CACNA2D3: variants seen among roughly 807,000 people sequenced by gnomAD.
CACNA2D3 encodes calcium voltage-gated channel auxiliary subunit alpha2delta 3.
In CACNA2D3, 60 loss-of-function variants were observed where a neutral mutation model predicts 160.6. The observed-to-expected ratio is 0.37, with a 90% CI of 0.30 to 0.46. The LOEUF is 0.46. Ranked by LOEUF, CACNA2D3 falls within the 20% of genes least tolerant of loss-of-function variation. The probability of loss-of-function intolerance (pLI) is 1.00; values close to 1 mark genes in which losing one functional copy is unlikely to be tolerated. For missense variants in CACNA2D3, 1,205 were observed against 1,365.0 expected, an observed-to-expected ratio of 0.88 and a Z score of 1.85; for synonymous variants, 558 against 492.9, an observed-to-expected ratio of 1.13 and a Z score of -1.75.
intron 2 of CACNA2D3, among the ~76,000 whole-genome samples, chr3:54,231,948 C>T (rs530353784): frequency 1.2e-4 from 18 of 152,298 alleles, no homozygotes; most frequent in African/African-American, 2.4e-4. Context: ...GCGCAGCTGC[C>T]GTTGCTTGTT....
At chr3:54,245,971 G>A (rs1345325967) in intron 2 of CACNA2D3, among the ~76,000 whole-genome samples, 6 of 152,204 alleles carry the variant, frequency 3.9e-5, no homozygotes, top group East Asian at 3.8e-4. Flanking sequence ...GATTACAGGC[G>A]TGAGCGCCTG....
At chr3:54,262,130 A>G (rs1277077080) in intron 2 of CACNA2D3, among the ~76,000 whole-genome samples, 2 of 152,190 alleles carry the variant, frequency 1.3e-5, no homozygotes, top group East Asian at 1.9e-4. Context: ...GACAGGCTGT[A>G]TAATTGCTGG....
intron 9 of CACNA2D3, among the ~76,000 whole-genome samples, chr3:54,601,967 T>A (rs1370590485): frequency 6.6e-6 from 1 of 152,052 alleles, no homozygotes; most frequent in Non-Finnish European, 1.5e-5. Context: ...GTTTTCTTAT[T>A]TGAGCCTTTG....
At chr3:54,718,694 T>G (rs1327452068) in intron 11 of CACNA2D3, among the ~76,000 whole-genome samples, 1 of 152,088 alleles carries the variant, frequency 6.6e-6, no homozygotes, top group African/African-American at 2.4e-5. Flanking sequence ...TAGAGTCAAT[T>G]TATTGATTTC....
chr3:54,520,680 A>C (rs751459759), intron 5 of CACNA2D3, among the ~76,000 whole-genome samples: 9 of 152,222 alleles, frequency 5.9e-5, no homozygotes, highest in Non-Finnish European at 1.2e-4. Context: ...GTATTCACAG[A>C]TATTTGCAGC....
At chr3:54,807,281 G>A (rs1703156097) in intron 13 of CACNA2D3, among the ~76,000 whole-genome samples, 1 of 152,080 alleles carries the variant, frequency 6.6e-6, no homozygotes, top group Non-Finnish European at 1.5e-5. Flanking sequence ...TACAAAATGG[G>A]AGAAAATTTT....
chr3:54,869,699 G>A (rs1699480793), intron 17 of CACNA2D3, among the ~76,000 whole-genome samples: 1 of 152,120 alleles, frequency 6.6e-6, no homozygotes, highest in South Asian at 2.1e-4. Context: ...AAGTCCTCAG[G>A]GGGACACTAC....
chr3:54,485,075 G>A (rs888654914), intron 4 of CACNA2D3, among the ~76,000 whole-genome samples: 1 of 152,102 alleles, frequency 6.6e-6, no homozygotes, highest in Non-Finnish European at 1.5e-5. Flanking sequence ...TCGATCTCCT[G>A]ACCTCGTGAT....
chr3:54,184,108 T>C (rs1259897620), intron 2 of CACNA2D3, among the ~76,000 whole-genome samples: 1 of 152,120 alleles, frequency 6.6e-6, no homozygotes, highest in Non-Finnish European at 1.5e-5. Context: ...CAAGCACATG[T>C]TGTTTTCTAT....
intron 5 of CACNA2D3, among the ~76,000 whole-genome samples, chr3:54,559,293 A>ATTTTAT (rs1199214928): frequency 1.8e-4 from 28 of 151,476 alleles, no homozygotes; most frequent in African/African-American, 6.3e-4. Context: ...TCCAACTTTT[A>ATTTTAT]TTTTATTTTT....
intron 2 of CACNA2D3, among the ~76,000 whole-genome samples, chr3:54,252,879 C>CG (rs2107426968): frequency 8.0e-6 from 1 of 125,458 alleles, no homozygotes; most frequent in African/African-American, 3.0e-5. Flanking sequence ...TTAAGCCCCC[C>CG]GGGAAACACA....
intron 27 of CACNA2D3, among the ~76,000 whole-genome samples, chr3:54,966,072 C>A (rs1476505621): frequency 6.6e-6 from 1 of 152,030 alleles, no homozygotes; most frequent in East Asian, 1.9e-4. Flanking sequence ...GGATAAACAC[C>A]CAGCGGGGAG....
intron 11 of CACNA2D3, among the ~76,000 whole-genome samples, chr3:54,689,166 A>G (rs1172454113): frequency 1.3e-5 from 2 of 152,056 alleles, no homozygotes; most frequent in South Asian, 2.1e-4. Context: ...ACTTAGCAGC[A>G]GCATTTAACA....
At chr3:55,038,051 ACTCT>A (rs1385869432) in intron 35 of CACNA2D3, among the ~76,000 whole-genome samples, 1 of 151,596 alleles carries the variant, frequency 6.6e-6, no homozygotes, top group African/African-American at 2.4e-5. Context: ...TAAATTTAGG[ACTCT>A]CTCTCTCTTT....
chr3:54,436,798 G>A (rs1441998892), intron 4 of CACNA2D3, among the ~76,000 whole-genome samples: 1 of 152,156 alleles, frequency 6.6e-6, no homozygotes, highest in African/African-American at 2.4e-5. Context: ...AGCAAGGGGA[G>A]GGAGAGCATT....
chr3:54,522,168 A>G (rs1010661569), intron 5 of CACNA2D3, among the ~76,000 whole-genome samples: 8 of 152,146 alleles, frequency 5.3e-5, no homozygotes, highest in Non-Finnish European at 1.0e-4. Context: ...TTTTAAATCC[A>G]TGAATATGAG....
intron 13 of CACNA2D3, among the ~76,000 whole-genome samples, chr3:54,769,050 G>A (rs546523381): frequency 6.6e-6 from 1 of 152,274 alleles, no homozygotes; most frequent in East Asian, 1.9e-4. Flanking sequence ...GGAAGCAGCA[G>A]TTTCTTCCAG....
At chr3:54,687,120 TCTTTTTTTTTTTTTG>T (rs1700464267) in intron 11 of CACNA2D3, among the ~76,000 whole-genome samples, 13 of 47,634 alleles carry the variant, frequency 2.7e-4, no homozygotes, top group South Asian at 1.2e-3. Context: ...TTTTTCTTTT[TCTTTTTTTTTTTTTG>T]TTTTTTTTTT....
chr3:54,212,631 AG>A (rs1701396115), intron 2 of CACNA2D3, among the ~76,000 whole-genome samples: 1 of 152,124 alleles, frequency 6.6e-6, no homozygotes, highest in Non-Finnish European at 1.5e-5. Flanking sequence ...GGGTATAATG[AG>A]GTGTGTCCGA....
Sources: allele counts gnomAD v4.1 joint callset (sites outside exome capture counted in the v4.1 genomes callset), GRCh38; gene constraint gnomAD v4.1.1; transcripts MANE v1.5; gene names NCBI Gene and HGNC (gene_info 2026-07-23, HGNC 2026-07-21).